COPA: variants seen among roughly 807,000 people sequenced by gnomAD.
COPA encodes coat protein complex I subunit alpha, also known as coatomer subunit alpha.
COPA carries 10 observed loss-of-function variants against 158.7 expected under a neutral mutation model. That is an observed-to-expected ratio of 0.06 (90% CI 0.04 to 0.11). The LOEUF is 0.11. Ranked by LOEUF, COPA falls within the 10% of genes least tolerant of loss-of-function variation. The pLI is 1.00. For missense variants in COPA, 1,065 were observed against 1,536.7 expected, an observed-to-expected ratio of 0.69 and a Z score of 5.13; for synonymous variants, 462 against 542.8, an observed-to-expected ratio of 0.85 and a Z score of 2.07.
chr1:160,297,221 G>A (rs758325417), intron 21 of COPA, 122 bp downstream of exon 21: 1 of 843,260 alleles, frequency 1.2e-6, no homozygotes, highest in Non-Finnish European at 1.9e-6. Context: ...GGAGCATGTT[G>A]TCTCTCCTAA....
chr1:160,288,885 ACAGAATAAGGGAG>A lies in COPA; in HGVS notation c.*1259_*1271del, dbSNP rs1303800010. Among the ~76,000 whole-genome samples the A allele has an allele frequency of 2.0e-5, 3 of 152,214 alleles. No homozygotes were observed. Among genetic ancestry groups the A allele is most frequent in the African/African-American group, 7.2e-5 (3 of 41,466 alleles). On this transcript the variant is annotated 3_prime_UTR_variant, in exon 33 of 33. Coordinates refer to ENST00000241704, the MANE Select transcript of COPA (RefSeq NM_004371.4). Reference sequence around the variant, plus strand: ...AAAAGATAAAAGGCTGCAATCAAAAACAGAATAAGGGAGCTACTTGCTTTCTATCATTTTCACA... The same window carrying A: ...AAAAGATAAAAGGCTGCAATCAAAAACTACTTGCTTTCTATCATTTTCACA...
intron 17 of COPA, among the ~76,000 whole-genome samples, chr1:160,304,750 A>T (rs991135455): frequency 7.9e-5 from 12 of 152,210 alleles, no homozygotes; most frequent in Admixed American, 2.0e-4. Context: ...TACACTCTAG[A>T]GAAATGTATG....
intron 12 of COPA, 92 bp downstream of exon 12, chr1:160,310,100 T>C (rs1451955425): frequency 1.9e-5 from 13 of 698,858 alleles, no homozygotes; most frequent in Non-Finnish European, 2.9e-5. Context: ...CATTAAATAG[T>C]TTCTAAGAAG....
At position 160,297,574 on chromosome 1, in the gene COPA, G is replaced by C; in HGVS notation, c.2149C>G (p.Arg717Gly). The change falls in exon 20 of 33, where the codon CGC becomes GGC. Residue 717 changes from arginine (R) to glycine (G), a missense_variant. By Grantham distance (125) the Arg-to-Gly change is moderately radical. This residue lies in a region of COPA where 980 missense variants were observed against 1,357.8 expected (regional missense o/e 0.72). Transcript: ENST00000241704. ...GCCTCACCAATCTTCATCATCTTGCGAAGTTTTTCTAAGTTGCCAGTGATA... is the reference window on the plus strand; with the variant it reads ...GCCTCACCAATCTTCATCATCTTGCCAAGTTTTTCTAAGTTGCCAGTGATA... ...YLITGNLEKL[R>G]KMMKIAEIRK... 6.2e-7 allele frequency: 1 copy of C among 1,614,032 alleles called. No homozygotes were observed. The highest frequency in any genetic ancestry group is 8.5e-7 in the Non-Finnish European group (1 of 1,179,968).
chr1:160,290,544 C>G lies in COPA; in HGVS notation c.3563G>C (p.Ser1188Thr), dbSNP rs756429023. 6.2e-7 allele frequency: 1 copy of G among 1,614,214 alleles called. No individual in the cohort carries two copies. Among genetic ancestry groups the G allele is most frequent in the Admixed American group, 1.7e-5 (1 of 60,020 alleles). The change falls in exon 32 of 33, where the codon AGT becomes ACT. Residue 1188 changes from serine (S) to threonine (T), a missense_variant. Ser to Thr is a moderately conservative substitution (Grantham distance 58, BLOSUM62 1). This residue lies in a region of COPA where 980 missense variants were observed against 1,357.8 expected (regional missense o/e 0.72). Coordinates refer to ENST00000241704, the MANE Select transcript of COPA (RefSeq NM_004371.4). ...RGKPVEKCPL[S>T]GACYSPEFKG... ...GAACTCAGGGGAATAGCAGGCCCCA[C>G]TGAGTGGACACTTTTCTACTGGCTT... is the stretch of plus-strand genomic sequence containing the variant.
At chr1:160,332,926 A>G (rs1647595584) in intron 5 of COPA, among the ~76,000 whole-genome samples, 1 of 151,748 alleles carries the variant, frequency 6.6e-6, no homozygotes, top group South Asian at 2.1e-4. Flanking sequence ...TTTATTTTTT[A>G]TTGTTATTAT....
At chr1:160,319,914 C>A (rs1272712567) in intron 8 of COPA, among the ~76,000 whole-genome samples, 171 of 75,428 alleles carry the variant, frequency 2.3e-3, no homozygotes, top group South Asian at 3.9e-3. Context: ...ACACCTATGT[C>A]AAAAAAAAAA....
intron 8 of COPA, among the ~76,000 whole-genome samples, 181 bp downstream of exon 8, chr1:160,323,250 G>T (rs1452911509): frequency 6.6e-6 from 1 of 152,026 alleles, no homozygotes. Flanking sequence ...CCACTTAACT[G>T]TACACATAAA....
At chr1:160,336,396 C>G (rs1199680396) in intron 3 of COPA, among the ~76,000 whole-genome samples, 30 of 151,704 alleles carry the variant, frequency 2.0e-4, no homozygotes, top group Admixed American at 1.9e-3. Flanking sequence ...TAATATAGGG[C>G]ATCAGCTTCT....
chr1:160,308,770 G>A (rs1054934133), intron 13 of COPA, among the ~76,000 whole-genome samples: 2 of 152,112 alleles, frequency 1.3e-5, no homozygotes, highest in African/African-American at 4.8e-5. Flanking sequence ...TATAAGATTG[G>A]AACCACATTT....
At chr1:160,317,320 G>C in intron 8 of COPA, 1 of 1,283,344 alleles carries the variant, frequency 7.8e-7, no homozygotes, top group Non-Finnish European at 1.1e-6. Flanking sequence ...GAAGGGAGAA[G>C]GATTTGTAAA....
At chr1:160,318,384 G>T (rs1229818650) in intron 8 of COPA, among the ~76,000 whole-genome samples, 13 of 136,822 alleles carry the variant, frequency 9.5e-5, no homozygotes, top group African/African-American at 3.0e-4. Flanking sequence ...TGCTCTTTTT[G>T]ATTTTATTTG....
chr1:160,290,161 C>T lies in COPA; in HGVS notation c.3671G>A (p.Arg1224His), dbSNP rs766622969. ...IGLRISPLQFR is the reference protein window; with the variant it reads ...IGLRISPLQFH ...CCCATGCACACAAAGGGGGCCTTAG[C>T]GAAACTGCAGAGGACTGATCCTTAA... Residue 1224 changes from arginine (R) to histidine (H), a missense_variant, in exon 33 of 33, where the codon CGC (arginine) becomes CAC (histidine). Transcript: ENST00000241704. 104 of 1,613,894 alleles carry T rather than the reference C, an allele frequency of 6.4e-5. 1 individual carries two copies. In the South Asian group the frequency reaches 8.3e-4, roughly 13 times the overall value.
Position 160,332,516 on chromosome 1 carries a change from A to T in COPA, c.428T>A (p.Phe143Tyr). The T allele has an allele frequency of 6.2e-7, 1 of 1,613,762 alleles. No individual in the cohort carries two copies. The highest frequency in any genetic ancestry group is 8.5e-7 in the Non-Finnish European group (1 of 1,179,948). ...TACTACCAAGTCTTCTGTGGGGTGG[A>T]ACTGAGCACACATCACATAATGGTT... is the stretch of plus-strand genomic sequence containing the variant. Reference protein sequence around the residue: ...GHNHYVMCAQFHPTEDLVVSA... With the variant: ...GHNHYVMCAQYHPTEDLVVSA... Residue 143 changes from phenylalanine (F) to tyrosine (Y), a missense_variant, in exon 6 of 33, where the codon TTC (phenylalanine) becomes TAC (tyrosine). Coordinates refer to ENST00000241704, the MANE Select transcript of COPA (RefSeq NM_004371.4).
At chr1:160,340,873 G>A (rs1477536717) in intron 1 of COPA, among the ~76,000 whole-genome samples, 4 of 151,998 alleles carry the variant, frequency 2.6e-5, no homozygotes, top group African/African-American at 4.8e-5. Context: ...CCTCTTCTCC[G>A]GTATTTTGCC....
Position 160,306,454 on chromosome 1 carries a change from C to T in COPA, c.1342G>A (p.Val448Ile), listed in dbSNP as rs1181728026. 1 of 1,614,176 alleles carries T rather than the reference C, an allele frequency of 6.2e-7. No homozygotes were observed. The highest frequency in any genetic ancestry group is 1.3e-5 in the African/African-American group (1 of 75,036). ...ATCTCATCACAGTTGGGCACCTGTA[C>T]CTTTTTGGTGATCTCATTCTTCAGA... is the stretch of plus-strand genomic sequence containing the variant. ...KNLKNEITKK[V>I]QVPNCDEIFY... Residue 448 changes from valine to isoleucine, a missense_variant, in exon 15 of 33, where the codon GTA becomes ATA. Physicochemically the swap from Val to Ile is conservative, Grantham distance 29 (BLOSUM62 3). Transcript: ENST00000241704.
chr1:160,293,583 C>T, intron 25 of COPA, 120 bp from the exon 26 acceptor site: 1 of 740,112 alleles, frequency 1.4e-6, no homozygotes. Flanking sequence ...CAACCTCTGC[C>T]TCCCATGCTC....
At chr1:160,297,808 C>T in intron 19 of COPA, 63 bp from the exon 20 acceptor site, 6 of 1,518,462 alleles carry the variant, frequency 4.0e-6, no homozygotes. Flanking sequence ...ACCAAGGACT[C>T]TGCAAAGCAT....
intron 8 of COPA, among the ~76,000 whole-genome samples, chr1:160,321,991 T>C (rs889565734): frequency 5.3e-5 from 8 of 152,098 alleles, no homozygotes; most frequent in African/African-American, 1.4e-4. Flanking sequence ...AGTCCATGCT[T>C]GTGGGTTGAA....
Sources: allele counts gnomAD v4.1 joint callset (sites outside exome capture counted in the v4.1 genomes callset), GRCh38; gene constraint gnomAD v4.1.1; regional missense constraint gnomAD v4.1.1; transcripts MANE v1.5; gene names NCBI Gene and HGNC (gene_info 2026-07-23, HGNC 2026-07-21).